Variants in CLVS1 observed in about 807,000 individuals in gnomAD.
The protein encoded by CLVS1 is clavesin-1.
A neutral mutation model predicts 33.1 loss-of-function variants in CLVS1; 10 were observed. The ratio of observed to expected loss-of-function variants is 0.30; its 90% confidence interval spans 0.19 to 0.51. CLVS1 has a LOEUF of 0.51. Among genes scored for constraint, CLVS1 ranks in the 20% least tolerant of loss-of-function variants. CLVS1 has a pLI of 0.97. For missense variants in CLVS1, 343 were observed against 433.4 expected (o/e 0.79, Z 1.85); for synonymous variants, 163 against 166.1 (o/e 0.98, Z 0.14).
intron 3 of CLVS1, among the ~76,000 whole-genome samples, chr8:61,431,161 A>C (rs1330122340): frequency 6.6e-6 from 1 of 152,220 alleles, no homozygotes; most frequent in Non-Finnish European, 1.5e-5. Flanking sequence ...AGAAGTCAGT[A>C]AGTCCAAAAC....
chr8:61,352,004 G>A (rs141139228), intron 2 of CLVS1, among the ~76,000 whole-genome samples: 425 of 152,082 alleles, frequency 2.8e-3, no homozygotes, highest in Middle Eastern at 6.8e-3. Flanking sequence ...GGAACAAGAG[G>A]AAGAGTAGAA....
At chr8:61,156,125 G>C (rs1328880830) in intron 2 of CLVS1, among the ~76,000 whole-genome samples, 1 of 149,932 alleles carries the variant, frequency 6.7e-6, no homozygotes, top group African/African-American at 2.5e-5. Flanking sequence ...GAGGCAGGAG[G>C]ATCGCTTGAA....
chr8:61,454,304 A>G (rs561908460), intron 4 of CLVS1, 53 bp downstream of exon 4: 5 of 1,235,330 alleles, frequency 4.0e-6, no homozygotes, highest in African/African-American at 3.0e-5. Context: ...TGGTGCTTCT[A>G]TTTTCTCTCT....
intron 2 of CLVS1, among the ~76,000 whole-genome samples, chr8:61,322,867 A>G (rs934292528): frequency 1.3e-5 from 2 of 152,170 alleles, no homozygotes; most frequent in African/African-American, 2.4e-5. Context: ...AAATTATCTT[A>G]AATATAAATA....
upstream of CLVS1, among the ~76,000 whole-genome samples, chr8:61,053,329 C>T (rs902699635): frequency 6.6e-6 from 1 of 152,056 alleles, no homozygotes; most frequent in South Asian, 2.1e-4. Context: ...AGCACTGGGG[C>T]CTCCAGCATG....
intron 3 of CLVS1, among the ~76,000 whole-genome samples, chr8:61,429,780 A>G (rs1444371997): frequency 6.6e-6 from 1 of 152,250 alleles, no homozygotes; most frequent in Non-Finnish European, 1.5e-5. Context: ...TTGGTGGTAT[A>G]AAATACTTAT....
chr8:61,384,622 A>G (rs1316951116), intron 3 of CLVS1, among the ~76,000 whole-genome samples: 1 of 152,124 alleles, frequency 6.6e-6, no homozygotes, highest in Admixed American at 6.6e-5. Flanking sequence ...TGTGGGAGGT[A>G]TTGAGCATTT....
intron 1 of CLVS1, among the ~76,000 whole-genome samples, chr8:61,118,261 C>CT (rs1180573530): frequency 6.6e-6 from 1 of 151,966 alleles, no homozygotes; most frequent in Non-Finnish European, 1.5e-5. Flanking sequence ...ATTCTTCTCT[C>CT]TTTTTTTCTT....
chr8:60,981,723 A>G, the CLVS1 span, among the ~76,000 whole-genome samples: 1 of 152,226 alleles, frequency 6.6e-6, no homozygotes, highest in Admixed American at 6.5e-5. Context: ...TGAGTGGCAG[A>G]AAGTACAGAG....
At chr8:61,232,568 T>C (rs1808470586) in intron 2 of CLVS1, among the ~76,000 whole-genome samples, 1 of 152,212 alleles carries the variant, frequency 6.6e-6, no homozygotes, top group African/African-American at 2.4e-5. Context: ...TAAAATATTT[T>C]ACTAAATAGA....
At chr8:61,020,994 C>G in the CLVS1 span, among the ~76,000 whole-genome samples, 3 of 152,242 alleles carry the variant, frequency 2.0e-5, no homozygotes, top group South Asian at 6.2e-4. Flanking sequence ...GGAGGGCTCT[C>G]TATAAAGGCT....
At chr8:61,149,163 G>T (rs879763712) in intron 2 of CLVS1, among the ~76,000 whole-genome samples, 8 of 152,046 alleles carry the variant, frequency 5.3e-5, no homozygotes, top group Non-Finnish European at 1.0e-4. Context: ...TGTATCCCAG[G>T]TGCCCAAGCC....
intron 4 of CLVS1, among the ~76,000 whole-genome samples, chr8:61,455,567 C>T (rs939680181): frequency 6.6e-6 from 1 of 152,052 alleles, no homozygotes. Context: ...GCATAGTATT[C>T]CTCTCGGTAT....
intron 3 of CLVS1, among the ~76,000 whole-genome samples, chr8:61,388,202 C>G (rs1243674638): frequency 6.6e-6 from 1 of 151,514 alleles, no homozygotes; most frequent in East Asian, 2.0e-4. Flanking sequence ...GTGATTGACC[C>G]CAATGGTAGT....
chr8:61,241,275 G>C (rs1808692204), intron 2 of CLVS1, among the ~76,000 whole-genome samples: 1 of 152,108 alleles, frequency 6.6e-6, no homozygotes, highest in African/African-American at 2.4e-5. Context: ...TGTAGCCAAT[G>C]CTTTTTCTGC....
intron 2 of CLVS1, among the ~76,000 whole-genome samples, chr8:61,249,639 T>A (rs1808891838): frequency 1.3e-5 from 2 of 152,334 alleles, no homozygotes; most frequent in South Asian, 4.1e-4. Flanking sequence ...GGTATCTCAT[T>A]GTGATTTTGA....
At chr8:61,162,186 A>G (rs1806766513) in intron 2 of CLVS1, among the ~76,000 whole-genome samples, 1 of 152,192 alleles carries the variant, frequency 6.6e-6, no homozygotes, top group South Asian at 2.1e-4. Flanking sequence ...AAAATTGCCT[A>G]TATTCCCCTC....
intron 2 of CLVS1, among the ~76,000 whole-genome samples, chr8:61,177,112 A>G (rs1007153011): frequency 6.6e-6 from 1 of 152,178 alleles, no homozygotes; most frequent in Non-Finnish European, 1.5e-5. Context: ...GGCGGCAGCC[A>G]TTTCTATGGC....
chr8:61,215,681 AATGTGTGT>A (rs1420438864), intron 2 of CLVS1, among the ~76,000 whole-genome samples: 1 of 98,808 alleles, frequency 1.0e-5, no homozygotes, highest in African/African-American at 3.5e-5. Context: ...TGAAATTGAA[AATGTGTGT>A]GTGTGTGTGT....
Sources: allele counts gnomAD v4.1 joint callset (sites outside exome capture counted in the v4.1 genomes callset), GRCh38; gene constraint gnomAD v4.1.1; transcripts MANE v1.5; gene names NCBI Gene and HGNC (gene_info 2026-07-23, HGNC 2026-07-21).